Variants in LRRIQ1 observed in about 807,000 individuals in gnomAD.
The protein encoded by LRRIQ1 is leucine-rich repeat- and IQ domain-containing protein 1.
A neutral mutation model predicts 211.9 loss-of-function variants in LRRIQ1; 210 were observed. The observed-to-expected ratio is 0.99, with a 90% CI of 0.89 to 1.11. LRRIQ1 has a LOEUF of 1.11. Among genes scored for constraint, LRRIQ1 ranks in the 50% most tolerant of loss-of-function variants. LRRIQ1 has a pLI of 0.00. For synonymous variants in LRRIQ1, 699 were observed against 650.1 expected (o/e 1.08, Z -1.14); for missense variants, 2,136 against 1,939.5 (o/e 1.10, Z -1.90).
At chr12:85,210,201 A>G (rs559694704) in intron 24 of LRRIQ1, among the ~76,000 whole-genome samples, 5 of 152,334 alleles carry the variant, frequency 3.3e-5, no homozygotes, top group African/African-American at 1.2e-4. Context: ...CTAGGATATT[A>G]TGTATGAATT....
rs1359901847 is a variant in LRRIQ1, at chr12:85,124,357, CAT to C, written c.3846_3847del (p.Cys1283Ter). On this transcript the variant is annotated frameshift_variant, in exon 17 of 27. Transcript: ENST00000393217. LOFTEE classifies it high-confidence loss of function. ...CACTCCCCATTAAGCAAATCCGCCA[CAT>C]GTGAAAATATGGAAGGAAGACATCA... 3 of 1,613,896 alleles carry C rather than the reference CAT, an allele frequency of 1.9e-6. No homozygotes were observed. The African/African-American group carries it at 4.0e-5, about 22-fold the overall frequency.
chr12:85,068,700 G>T (rs1882714750), intron 10 of LRRIQ1, among the ~76,000 whole-genome samples: 1 of 150,922 alleles, frequency 6.6e-6, no homozygotes, highest in Non-Finnish European at 1.5e-5. Flanking sequence ...AAGTGTCTGG[G>T]TTTATTGGAA....
intron 24 of LRRIQ1, among the ~76,000 whole-genome samples, chr12:85,195,325 A>C (rs1892839438): frequency 6.6e-6 from 1 of 152,056 alleles, no homozygotes; most frequent in Non-Finnish European, 1.5e-5. Context: ...TCATTTTATG[A>C]GGCCAGCATC....
chr12:85,147,418 C>G (rs542542147), intron 19 of LRRIQ1, among the ~76,000 whole-genome samples: 1 of 151,750 alleles, frequency 6.6e-6, no homozygotes, highest in African/African-American at 2.4e-5. Flanking sequence ...GGAATGGGCC[C>G]TTACCATAGG....
chr12:85,131,119 G>A (rs1330045142), intron 18 of LRRIQ1, among the ~76,000 whole-genome samples: 1 of 151,178 alleles, frequency 6.6e-6, no homozygotes, highest in Non-Finnish European at 1.5e-5. Flanking sequence ...GCTGAGACAT[G>A]AGAATCTCTT....
intron 24 of LRRIQ1, among the ~76,000 whole-genome samples, chr12:85,170,486 T>C (rs1468623255): frequency 6.6e-6 from 1 of 150,450 alleles, no homozygotes; most frequent in Non-Finnish European, 1.5e-5. Flanking sequence ...TATATATAAT[T>C]TACATATCCC....
At chr12:85,227,295 T>G (rs1355058074) in intron 24 of LRRIQ1, among the ~76,000 whole-genome samples, 1 of 152,182 alleles carries the variant, frequency 6.6e-6, no homozygotes, top group Non-Finnish European at 1.5e-5. Flanking sequence ...TTTTATATAC[T>G]GTAAGTTTTA....
At chr12:85,086,935 CATTATTATT>C (rs202087547) in intron 11 of LRRIQ1, among the ~76,000 whole-genome samples, 4,135 of 149,246 alleles carry the variant, frequency 0.028, 193 homozygotes, top group African/African-American at 0.097. Flanking sequence ...GATTGTTCTT[CATTATTATT>C]ATTATTATTA....
rs1888168489 is a variant in LRRIQ1, at chr12:85,123,943, A to G, written c.3558-127A>G. Reference sequence around the variant, plus strand: ...TTATATAAACAACTAGAAATAATCTATAATGAATGTTGTACTGAAGTTTAA... The same window carrying G: ...TTATATAAACAACTAGAAATAATCTGTAATGAATGTTGTACTGAAGTTTAA... On this transcript the variant is annotated intron_variant, in intron 16 of 26. Coordinates refer to ENST00000393217, the MANE Select transcript of LRRIQ1 (RefSeq NM_001079910.2). The G allele has an allele frequency of 3.3e-5, 21 of 643,522 alleles. No homozygotes were observed. In the East Asian group the frequency reaches 3.6e-4, roughly 11 times the overall value. 39.9% of individuals were successfully genotyped at this position (643,522 alleles called of 1,614,324 possible). A position where few individuals can be genotyped will look rare whatever the true frequency, so the allele number is the denominator to read the frequency against.
intron 26 of LRRIQ1, among the ~76,000 whole-genome samples, chr12:85,244,172 A>T (rs939033673): frequency 6.6e-6 from 1 of 151,610 alleles, no homozygotes; most frequent in African/African-American, 2.4e-5. Context: ...ATACAAATTC[A>T]AAGGCAATTT....
At chr12:85,163,312 A>G (rs1890992304) in intron 24 of LRRIQ1, among the ~76,000 whole-genome samples, 2 of 151,922 alleles carry the variant, frequency 1.3e-5, no homozygotes, top group African/African-American at 4.8e-5. Flanking sequence ...CCTTAAGAAA[A>G]AAAATCAAAT....
intron 7 of LRRIQ1, among the ~76,000 whole-genome samples, chr12:85,055,139 T>C (rs1159033130): frequency 6.6e-6 from 1 of 152,140 alleles, no homozygotes; most frequent in African/African-American, 2.4e-5. Flanking sequence ...CAATACTAGC[T>C]CTGAGTCTTC....
chr12:85,153,814 C>T (rs2136678015), intron 22 of LRRIQ1, 56 bp downstream of exon 22: 3 of 1,132,612 alleles, frequency 2.6e-6, no homozygotes, highest in East Asian at 5.3e-5. Context: ...GCTAAAAGTC[C>T]AAGACAGATA....
At chr12:85,189,644 G>A (rs1892392569) in intron 24 of LRRIQ1, among the ~76,000 whole-genome samples, 1 of 151,132 alleles carries the variant, frequency 6.6e-6, no homozygotes, top group Admixed American at 6.6e-5. Flanking sequence ...ATTAGTGACT[G>A]GATAAAAAAT....
intron 23 of LRRIQ1, among the ~76,000 whole-genome samples, chr12:85,158,702 G>T (rs1302029084): frequency 1.3e-5 from 2 of 151,714 alleles, no homozygotes; most frequent in Non-Finnish European, 2.9e-5. Context: ...CCCAACACTG[G>T]GCAAGTCATT....
At position 85,124,305 on chromosome 12, in the gene LRRIQ1, G is replaced by A. The variant is rs1180783756; in HGVS notation, c.3793G>A (p.Glu1265Lys). 38 of 1,613,928 alleles carry A rather than the reference G, an allele frequency of 2.4e-5. No individual in the cohort carries two copies. The highest frequency in any genetic ancestry group is 2.9e-5 in the Non-Finnish European group (34 of 1,180,024). ...TGAGCCAGACTCACCAGATATTCCTGAGAAATGGATGGACTCTGTCTCCAG... is the reference window on the plus strand; with the variant it reads ...TGAGCCAGACTCACCAGATATTCCTAAGAAATGGATGGACTCTGTCTCCAG... Reference protein sequence around the residue: ...EGEPDSPDIPEKWMDSVSSHS... With the variant: ...EGEPDSPDIPKKWMDSVSSHS... Residue 1265 changes from glutamate to lysine, a missense_variant, in exon 17 of 27, where the codon GAG (glutamate) becomes AAG (lysine). Transcript: ENST00000393217.
At chr12:85,248,405 A>C (rs2137290640), downstream of LRRIQ1, among the ~76,000 whole-genome samples, 1 of 151,752 alleles carries the variant, frequency 6.6e-6, no homozygotes, top group Non-Finnish European at 1.5e-5. Context: ...GTAGAAGAAA[A>C]ATTATTATAA....
chr12:85,221,104 G>T (rs868509427), intron 24 of LRRIQ1, among the ~76,000 whole-genome samples: 1 of 152,016 alleles, frequency 6.6e-6, no homozygotes, highest in South Asian at 2.1e-4. Context: ...GAGCCACCAC[G>T]CCTGGCCTGG....
intron 3 of LRRIQ1, among the ~76,000 whole-genome samples, chr12:85,041,981 C>T (rs578083319): frequency 8.6e-5 from 13 of 151,904 alleles, no homozygotes; most frequent in Admixed American, 8.5e-4. Flanking sequence ...GCATGAATTG[C>T]TATGTAAAGA....
Sources: gnomAD v4.1 joint callset for allele counts (sites outside exome capture counted in the v4.1 genomes callset) on GRCh38, gnomAD v4.1.1 for gene constraint, MANE v1.5 for transcripts, NCBI Gene and HGNC (gene_info 2026-07-23, HGNC 2026-07-21) for gene names.